SLC35F4: variants seen among roughly 807,000 people sequenced by gnomAD.
SLC35F4 encodes solute carrier family 35 member F4.
A neutral mutation model predicts 44.2 loss-of-function variants in SLC35F4; 24 were observed. The ratio of observed to expected loss-of-function variants is 0.54; its 90% CI spans 0.39 to 0.76. SLC35F4 has a LOEUF of 0.76. Among genes scored for constraint, SLC35F4 ranks in the 30% least tolerant of loss-of-function variants. SLC35F4 has a pLI of 0.00. For synonymous variants in SLC35F4, 238 were observed against 223.6 expected, an observed-to-expected ratio of 1.06 and a Z score of -0.57; for missense variants, 562 against 586.1, an observed-to-expected ratio of 0.96 and a Z score of 0.42.
In SLC35F4 at chr14:57,600,737, C is replaced by A. The variant is rs1406486643; in HGVS notation, c.104-6613G>T. Among the ~76,000 whole-genome samples the A allele has an allele frequency of 6.4e-5, 9 of 141,130 alleles. No homozygotes were observed. The South Asian group carries it at 1.7e-3, about 26-fold the overall frequency. 92.6% of individuals were successfully genotyped at this position (141,130 alleles called of 152,430 possible). ...AAAAAAAACCAAAAAGATAAAATAT[C>A]AATAACTCAACAAAATATATGAACA... On this transcript the variant is annotated intron_variant, in intron 1 of 7. Coordinates refer to ENST00000556826, the MANE Select transcript of SLC35F4 (RefSeq NM_001306087.2).
intron 1 of SLC35F4, among the ~76,000 whole-genome samples, chr14:57,921,189 G>A (rs925252603): frequency 2.6e-5 from 4 of 152,180 alleles, no homozygotes; most frequent in African/African-American, 7.2e-5. Context: ...CCATGGCAAT[G>A]ATAGCACGGA....
At chr14:57,618,603 C>T (rs1436647404) in intron 1 of SLC35F4, among the ~76,000 whole-genome samples, 1 of 152,220 alleles carries the variant, frequency 6.6e-6, no homozygotes, top group Non-Finnish European at 1.5e-5. Flanking sequence ...AAGTACAAAA[C>T]TGGGTGGTCA....
At chr14:57,906,554 C>T (rs1043126495) in intron 1 of SLC35F4, among the ~76,000 whole-genome samples, 1 of 152,140 alleles carries the variant, frequency 6.6e-6, no homozygotes, top group African/African-American at 2.4e-5. Flanking sequence ...AATATCCTTA[C>T]ATATTTGTGG....
At chr14:57,838,621 A>G (rs1192457752) in intron 1 of SLC35F4, among the ~76,000 whole-genome samples, 1 of 152,234 alleles carries the variant, frequency 6.6e-6, no homozygotes, top group Non-Finnish European at 1.5e-5. Flanking sequence ...GGAAAGCTCA[A>G]CAACAATAAG....
intron 1 of SLC35F4, among the ~76,000 whole-genome samples, chr14:57,768,784 G>T (rs2077292804): frequency 2.0e-5 from 3 of 151,412 alleles, no homozygotes; most frequent in South Asian, 4.2e-4. Flanking sequence ...ACGAAGTCTT[G>T]CTCGGTCGCC....
upstream of SLC35F4, chr14:57,866,203 AC>A (rs1362409920): frequency 6.5e-6 from 1 of 154,936 alleles, no homozygotes; most frequent in African/African-American, 2.4e-5. Flanking sequence ...AAAACTAGAC[AC>A]CCCAACCCCA....
At chr14:57,759,826 C>G (rs1037528677) in intron 1 of SLC35F4, among the ~76,000 whole-genome samples, 5 of 149,622 alleles carry the variant, frequency 3.3e-5, no homozygotes, top group African/African-American at 1.2e-4. Flanking sequence ...GAAGAAATCT[C>G]TATTCAAGTT....
At chr14:57,839,677 C>T (rs1261771444) in intron 1 of SLC35F4, among the ~76,000 whole-genome samples, 2 of 151,918 alleles carry the variant, frequency 1.3e-5, no homozygotes, top group Non-Finnish European at 2.9e-5. Flanking sequence ...ATGGGTGGAT[C>T]GGTGCAGCAA....
At chr14:57,897,804 GC>G (rs1263529638) in intron 1 of SLC35F4, among the ~76,000 whole-genome samples, 1 of 152,092 alleles carries the variant, frequency 6.6e-6, no homozygotes, top group Non-Finnish European at 1.5e-5. Context: ...TCTAAATGTA[GC>G]CCCCACAAAT....
At chr14:57,765,975 A>G (rs930325242) in intron 1 of SLC35F4, among the ~76,000 whole-genome samples, 14 of 152,332 alleles carry the variant, frequency 9.2e-5, no homozygotes, top group African/African-American at 3.4e-4. Flanking sequence ...AGGTATCAGT[A>G]AGAGGCCACC....
intron 4 of SLC35F4, among the ~76,000 whole-genome samples, chr14:57,573,586 A>G (rs553834498): frequency 8.5e-5 from 13 of 152,226 alleles, no homozygotes; most frequent in African/African-American, 3.1e-4. Context: ...GACCTGGATA[A>G]AGGTCTAGAC....
chr14:57,699,240 C>T (rs1285145069), intron 1 of SLC35F4, among the ~76,000 whole-genome samples: 1 of 151,968 alleles, frequency 6.6e-6, no homozygotes, highest in Admixed American at 6.6e-5. Context: ...GCACTTCATA[C>T]AAAAGAACAA....
intron 1 of SLC35F4, among the ~76,000 whole-genome samples, chr14:57,680,112 C>T (rs549933530): frequency 2.6e-4 from 40 of 152,158 alleles, no homozygotes; most frequent in African/African-American, 9.2e-4. Flanking sequence ...AACATTGACA[C>T]AAAAATTCTT....
chr14:57,670,907 T>TC (rs2074496560), intron 1 of SLC35F4, among the ~76,000 whole-genome samples: 1 of 144,264 alleles, frequency 6.9e-6, no homozygotes, highest in Non-Finnish European at 1.5e-5. Flanking sequence ...TCATTCTTTT[T>TC]TTTTTTTTTT....
intron 1 of SLC35F4, among the ~76,000 whole-genome samples, chr14:57,634,351 T>C (rs1450734690): frequency 6.6e-6 from 1 of 152,176 alleles, no homozygotes; most frequent in East Asian, 1.9e-4. Flanking sequence ...TCCTTTATTC[T>C]TTCATTCACT....
downstream of SLC35F4, among the ~76,000 whole-genome samples, chr14:57,972,744 G>A (rs894142488): frequency 2.0e-5 from 3 of 152,192 alleles, no homozygotes; most frequent in Non-Finnish European, 4.4e-5. Flanking sequence ...GCCCCAGCCA[G>A]GCAGGAGAGT....
chr14:57,714,936 T>G (rs1203070717), intron 1 of SLC35F4, among the ~76,000 whole-genome samples: 1 of 152,202 alleles, frequency 6.6e-6, no homozygotes, highest in Non-Finnish European at 1.5e-5. Context: ...TGAGGGAGTT[T>G]GCAGCTACAA....
At chr14:57,588,184 G>C (rs1566651566) in intron 3 of SLC35F4, among the ~76,000 whole-genome samples, 1 of 152,186 alleles carries the variant, frequency 6.6e-6, no homozygotes, top group Non-Finnish European at 1.5e-5. Flanking sequence ...AATGGAATTT[G>C]AAGATAGACC....
intron 1 of SLC35F4, among the ~76,000 whole-genome samples, chr14:57,878,327 G>A (rs1267717569): frequency 1.3e-5 from 2 of 152,002 alleles, no homozygotes; most frequent in African/African-American, 4.8e-5. Context: ...ATTCTAATTT[G>A]TTTTTCTAAC....
Sources: gnomAD v4.1 joint callset for allele counts (sites outside exome capture counted in the v4.1 genomes callset) on GRCh38, gnomAD v4.1.1 for gene constraint, MANE v1.5 for transcripts, NCBI Gene and HGNC (gene_info 2026-07-23, HGNC 2026-07-21) for gene names.